Variants in LMBRD1 observed in about 807,000 individuals in gnomAD.
LMBRD1 encodes LMBR1 domain containing 1.
Under a neutral mutation model 74.8 loss-of-function variants are expected in LMBRD1, and 64 were observed. The observed-to-expected ratio is 0.86, with a 90% CI of 0.70 to 1.05. The LOEUF is 1.05. LMBRD1 is among the 50% of genes least tolerant of loss of function. LMBRD1 has a pLI of 0.00. For synonymous variants in LMBRD1, 204 were observed against 216.3 expected (o/e 0.94, Z 0.50); for missense variants, 652 against 645.9 (o/e 1.01, Z -0.10).
At chr6:69,686,862 C>A (rs1765774632) in intron 14 of LMBRD1, among the ~76,000 whole-genome samples, 1 of 152,204 alleles carries the variant, frequency 6.6e-6, no homozygotes. Context: ...AACATAGCTA[C>A]AGCCATCCCT....
intron 3 of LMBRD1, among the ~76,000 whole-genome samples, chr6:69,765,779 T>A (rs1352940941): frequency 6.6e-6 from 1 of 152,128 alleles, no homozygotes; most frequent in African/African-American, 2.4e-5. Context: ...TATTTAAATC[T>A]TCTTTAGTTT....
At chr6:69,743,403 G>A (rs184189847) in intron 5 of LMBRD1, among the ~76,000 whole-genome samples, 2 of 152,298 alleles carry the variant, frequency 1.3e-5, no homozygotes, top group East Asian at 1.9e-4. Context: ...TGTACAGAAA[G>A]AGACTAAAAT....
At chr6:69,729,094 CTTG>C (rs918342482) in intron 7 of LMBRD1, among the ~76,000 whole-genome samples, 2 of 151,618 alleles carry the variant, frequency 1.3e-5, no homozygotes, top group Admixed American at 6.6e-5. Context: ...TCCCTACCAA[CTTG>C]TTAACTTTAT....
intron 2 of LMBRD1, among the ~76,000 whole-genome samples, chr6:69,781,369 A>G (rs2149893605): frequency 6.6e-6 from 1 of 152,332 alleles, no homozygotes; most frequent in South Asian, 2.1e-4. Context: ...AGGACTTATC[A>G]CTGCTATTAA....
chr6:69,751,095 T>C (rs1250747122), intron 4 of LMBRD1, among the ~76,000 whole-genome samples: 2 of 152,122 alleles, frequency 1.3e-5, no homozygotes, highest in Admixed American at 1.3e-4. Context: ...TTAACATATA[T>C]TTTTTTCTTT....
At chr6:69,706,089 C>A in intron 9 of LMBRD1, 1 of 666,976 alleles carries the variant, frequency 1.5e-6, no homozygotes, top group Non-Finnish European at 2.8e-6. Context: ...CTTTGTCAGC[C>A]TGTAGTTCAC....
intron 3 of LMBRD1, among the ~76,000 whole-genome samples, chr6:69,764,675 G>T (rs1765442873): frequency 6.6e-6 from 1 of 151,970 alleles, no homozygotes; most frequent in South Asian, 2.1e-4. Flanking sequence ...TAATTGAATG[G>T]TTTTATTAAT....
intron 14 of LMBRD1, among the ~76,000 whole-genome samples, chr6:69,691,875 CAAA>C (rs34100007): frequency 3.1e-5 from 2 of 65,110 alleles, no homozygotes; most frequent in African/African-American, 6.9e-5. Flanking sequence ...GACTCCGTCT[CAAA>C]AAAAAAAAAA....
At chr6:69,706,072 T>C in intron 9 of LMBRD1, 1 of 695,024 alleles carries the variant, frequency 1.4e-6, no homozygotes, top group South Asian at 1.4e-5. Context: ...CACCTTAAAG[T>C]GATAATCTTT....
intron 6 of LMBRD1, among the ~76,000 whole-genome samples, chr6:69,739,318 C>T (rs1438632058): frequency 6.6e-6 from 1 of 152,040 alleles, no homozygotes; most frequent in African/African-American, 2.4e-5. Flanking sequence ...ATTAATTATT[C>T]CCATTTGGGT....
chr6:69,690,993 A>C (rs2445958), intron 14 of LMBRD1, among the ~76,000 whole-genome samples: 79,234 of 151,816 alleles, frequency 0.52, 21,270 homozygotes, highest in Non-Finnish European at 0.58. Context: ...TATTCTTTTT[A>C]TCTCTCCTCT....
chr6:69,725,874 A>G (rs9364053), intron 7 of LMBRD1, among the ~76,000 whole-genome samples: 53,764 of 152,056 alleles, frequency 0.35, 10,192 homozygotes, highest in East Asian at 0.54. Context: ...CCAAAGCAAA[A>G]AATGACAAAT....
At chr6:69,710,350 A>C (rs762168884) in intron 9 of LMBRD1, among the ~76,000 whole-genome samples, 2 of 152,188 alleles carry the variant, frequency 1.3e-5, no homozygotes, top group Non-Finnish European at 2.9e-5. Context: ...ATAGCACAAA[A>C]GTAACTTAAA....
At chr6:69,780,314 T>C (rs1475855517) in intron 3 of LMBRD1, among the ~76,000 whole-genome samples, 180 bp downstream of exon 3, 1 of 152,012 alleles carries the variant, frequency 6.6e-6, no homozygotes, top group Non-Finnish European at 1.5e-5. Context: ...GCTTATTTCT[T>C]TCTTCCCCCT....
chr6:69,740,056 C>T (rs920410332), intron 6 of LMBRD1, among the ~76,000 whole-genome samples: 6 of 152,056 alleles, frequency 3.9e-5, no homozygotes, highest in African/African-American at 1.2e-4. Context: ...CAGTGAGCCA[C>T]GATCATGCCA....
intron 14 of LMBRD1, among the ~76,000 whole-genome samples, chr6:69,684,250 T>G (rs573904343): frequency 6.6e-6 from 1 of 152,118 alleles, no homozygotes; most frequent in East Asian, 1.9e-4. Flanking sequence ...TTAAAATTCA[T>G]AATATGGTTG....
chr6:69,774,915 C>T (rs557337294), intron 3 of LMBRD1, among the ~76,000 whole-genome samples: 2 of 142,032 alleles, frequency 1.4e-5, no homozygotes, highest in African/African-American at 2.6e-5. Flanking sequence ...GCTATGATCA[C>T]GCCACCGCAC....
At chr6:69,680,997 C>T (rs767318776) in intron 14 of LMBRD1, among the ~76,000 whole-genome samples, 33 of 152,032 alleles carry the variant, frequency 2.2e-4, no homozygotes, top group Non-Finnish European at 4.3e-4. Flanking sequence ...TAAATTTAAA[C>T]TGTTGGATAT....
rs1562121852 is a variant in LMBRD1, at chr6:69,775,016, AGGGAGGGAGGGAGGGAG to A, written c.307+5461_307+5477del. Among the ~76,000 whole-genome samples the A allele has an allele frequency of 1.7e-4, 15 of 86,036 alleles. 1 individual carries two copies. Among genetic ancestry groups the A allele is most frequent in the African/African-American group, 2.5e-4 (6 of 24,388 alleles). The allele number at this position is 86,036 out of a possible 152,430, so 56.4% of individuals were successfully genotyped here. On this transcript the variant is annotated intron_variant, in intron 3 of 15. Coordinates refer to ENST00000649934, the MANE Select transcript of LMBRD1 (RefSeq NM_018368.4). The stretch of plus-strand genomic sequence containing the variant: ...GAGGGAGGGAGGGAGGGAGGGAGGG[AGGGAGGGAGGGAGGGAG>A]GGAAGGAAGGAAAAGATGAAGAACT...
Sources: gnomAD v4.1 joint callset for allele counts (sites outside exome capture counted in the v4.1 genomes callset) on GRCh38, gnomAD v4.1.1 for gene constraint, MANE v1.5 for transcripts, NCBI Gene and HGNC (gene_info 2026-07-23, HGNC 2026-07-21) for gene names.